The following COL8A1 variants were observed in gnomAD, a reference collection of about 807,000 sequenced individuals.
The protein encoded by COL8A1 is collagen type VIII alpha 1 chain, also known as collagen alpha-1(VIII) chain.
COL8A1 carries 21 observed loss-of-function variants against 42.7 expected under a neutral mutation model. That is an observed-to-expected ratio of 0.49 (90% confidence interval 0.35 to 0.71). COL8A1 has a LOEUF of 0.71. Among genes scored for constraint, COL8A1 ranks in the 30% least tolerant of loss-of-function variants. The pLI is 0.01. For missense variants in COL8A1, 788 were observed against 962.4 expected (o/e 0.82, Z 2.40); for synonymous variants, 367 against 369.1 (o/e 0.99, Z 0.06).
At chr3:99,710,452 C>T (rs1939802663) in intron 1 of COL8A1, among the ~76,000 whole-genome samples, 1 of 152,120 alleles carries the variant, frequency 6.6e-6, no homozygotes, top group Non-Finnish European at 1.5e-5. Context: ...TCAGTTATGT[C>T]CAAATAAAAG....
At chr3:99,791,064 T>C in intron 3 of COL8A1, 54 bp downstream of exon 3, 1 of 1,484,000 alleles carries the variant, frequency 6.7e-7, no homozygotes, top group South Asian at 1.3e-5. Flanking sequence ...AATCTCTAAA[T>C]TATGGGATCA....
chr3:99,714,905 A>G (rs1438272163), intron 1 of COL8A1, among the ~76,000 whole-genome samples: 1 of 152,124 alleles, frequency 6.6e-6, no homozygotes, highest in Non-Finnish European at 1.5e-5. Flanking sequence ...CACTTTAGCT[A>G]TTTTATTTAG....
chr3:99,739,401 T>TG (rs1391027283), intron 1 of COL8A1, among the ~76,000 whole-genome samples: 2 of 152,190 alleles, frequency 1.3e-5, no homozygotes, highest in Non-Finnish European at 2.9e-5. Context: ...GGACTATGTG[T>TG]GGGGGGACCA....
intron 1 of COL8A1, among the ~76,000 whole-genome samples, chr3:99,669,146 T>TGCG (rs1938457832): frequency 8.7e-6 from 1 of 115,364 alleles, no homozygotes; most frequent in Non-Finnish European, 1.8e-5. Context: ...TATATATATA[T>TGCG]AGAGGGAGAG....
chr3:99,717,394 T>C (rs925495874), intron 1 of COL8A1, among the ~76,000 whole-genome samples: 1 of 152,052 alleles, frequency 6.6e-6, no homozygotes, highest in African/African-American at 2.4e-5. Flanking sequence ...GGAGTGTTCA[T>C]GGCCCTTCAA....
intron 1 of COL8A1, among the ~76,000 whole-genome samples, chr3:99,688,723 T>G (rs1939134602): frequency 6.6e-6 from 1 of 152,198 alleles, no homozygotes; most frequent in Non-Finnish European, 1.5e-5. Context: ...TTGGCAGCAT[T>G]AAAAATTTTG....
chr3:99,764,180 CA>C (rs1941416048), intron 2 of COL8A1, among the ~76,000 whole-genome samples: 1 of 152,198 alleles, frequency 6.6e-6, no homozygotes, highest in Admixed American at 6.5e-5. Flanking sequence ...AAGCTTTGTG[CA>C]TAAGAATTTT....
In COL8A1 at chr3:99,692,244, T is replaced by G. The variant is rs961146347; in HGVS notation, c.-128-52653T>G. Among the ~76,000 whole-genome samples the G allele has an allele frequency of 2.6e-5, 4 of 152,320 alleles. No homozygotes were observed. The East Asian group carries it at 7.7e-4, about 29-fold the overall frequency. ...AAGATGCTCACAAGCCCAGTTTTAA[T>G]CAATAACTCCTCAGCAACCTGCATT... On this transcript the variant is annotated intron_variant, in intron 1 of 3. Transcript: ENST00000652472.
At chr3:99,737,697 A>G (rs1232206283) in intron 1 of COL8A1, among the ~76,000 whole-genome samples, 1 of 151,868 alleles carries the variant, frequency 6.6e-6, no homozygotes, top group Non-Finnish European at 1.5e-5. Context: ...TCTGACAATT[A>G]TGTGTCTCGG....
At chr3:99,716,325 T>C (rs1939994176) in intron 1 of COL8A1, among the ~76,000 whole-genome samples, 1 of 152,060 alleles carries the variant, frequency 6.6e-6, no homozygotes, top group African/African-American at 2.4e-5. Flanking sequence ...TTACAGCCTA[T>C]GAAACCTCAC....
At chr3:99,739,046 G>A (rs566995019) in intron 1 of COL8A1, among the ~76,000 whole-genome samples, 22 of 152,128 alleles carry the variant, frequency 1.4e-4, no homozygotes, top group Non-Finnish European at 2.4e-4. Flanking sequence ...GACCCCTTGC[G>A]CTTCCCAAGT....
intron 1 of COL8A1, among the ~76,000 whole-genome samples, chr3:99,652,824 G>A (rs951497480): frequency 2.0e-5 from 3 of 152,168 alleles, no homozygotes; most frequent in Non-Finnish European, 2.9e-5. Context: ...ATTTTTAAAT[G>A]ATAGTTTTAA....
chr3:99,660,594 G>A (rs956832786), intron 1 of COL8A1, among the ~76,000 whole-genome samples: 3 of 152,114 alleles, frequency 2.0e-5, no homozygotes, highest in Admixed American at 1.3e-4. Context: ...AATTGTTCTG[G>A]CATATGGGCT....
chr3:99,763,533 C>G (rs144221659), intron 2 of COL8A1, among the ~76,000 whole-genome samples: 1 of 151,960 alleles, frequency 6.6e-6, no homozygotes, highest in South Asian at 2.1e-4. Context: ...CATGCATATA[C>G]TTATTTAATC....
At chr3:99,742,483 C>T (rs753333688) in intron 1 of COL8A1, among the ~76,000 whole-genome samples, 4 of 152,166 alleles carry the variant, frequency 2.6e-5, no homozygotes, top group Non-Finnish European at 5.9e-5. Flanking sequence ...TTGTAGCACT[C>T]TTTCTCACAG....
chr3:99,775,640 GCTAGGCTTCT>G (rs2107442529), intron 2 of COL8A1, among the ~76,000 whole-genome samples: 1 of 152,264 alleles, frequency 6.6e-6, no homozygotes, highest in African/African-American at 2.4e-5. Context: ...TTGTGATGAG[GCTAGGCTTCT>G]CTAGGGTTCC....
chr3:99,756,286 T>C (rs1222274926), intron 2 of COL8A1, among the ~76,000 whole-genome samples: 1 of 152,092 alleles, frequency 6.6e-6, no homozygotes, highest in African/African-American at 2.4e-5. Context: ...AAAAAGACTT[T>C]TAGTCCAAGA....
rs370715349 is a variant in COL8A1, at chr3:99,661,820, CA to C, written c.-129+23158del. 3.6e-3 allele frequency among the ~76,000 whole-genome samples: 541 copies of C among 152,202 alleles called. 7 individuals are homozygous for C. The highest frequency in any genetic ancestry group is 0.012 in the African/African-American group (518 of 41,528). On this transcript the variant is annotated intron_variant, in intron 1 of 3. Transcript: ENST00000652472. Reference sequence around the variant, plus strand: ...AGGAAGAAAATTGTAACACGTGCTACAACAGCTTGAGGACATTATGCAAAGT... The same window carrying C: ...AGGAAGAAAATTGTAACACGTGCTACACAGCTTGAGGACATTATGCAAAGT...
intron 2 of COL8A1, among the ~76,000 whole-genome samples, chr3:99,745,272 G>C (rs1296598851): frequency 6.6e-6 from 1 of 152,118 alleles, no homozygotes; most frequent in Non-Finnish European, 1.5e-5. Flanking sequence ...TTTAAGTCTA[G>C]GCATGTTGAA....
Sources: allele counts gnomAD v4.1 joint callset (sites outside exome capture counted in the v4.1 genomes callset), GRCh38; gene constraint gnomAD v4.1.1; transcripts MANE v1.5; gene names NCBI Gene and HGNC (gene_info 2026-07-23, HGNC 2026-07-21).